Variants in TNNT1 observed in about 807,000 individuals in gnomAD.
TNNT1 encodes the protein troponin T, slow skeletal muscle.
A neutral mutation model predicts 50.6 loss-of-function variants in TNNT1; 53 were observed. That is an observed-to-expected ratio of 1.05 (90% confidence interval 0.84 to 1.32). The LOEUF (loss-of-function observed/expected upper bound fraction) is 1.32, where lower values mean the gene tolerates loss of function less well. Ranked by LOEUF, TNNT1 falls within the 40% of genes most tolerant of loss-of-function variation. The pLI, the probability that TNNT1 is intolerant of heterozygous loss-of-function variation, is 0.00. For synonymous variants in TNNT1, 142 were observed against 138.0 expected (o/e 1.03, Z -0.20); for missense variants, 348 against 381.7 (o/e 0.91, Z 0.74).
At chr19:55,138,150 G>T in intron 9 of TNNT1, 76 bp from the exon 10 acceptor site, 8 of 1,610,446 alleles carry the variant, frequency 5.0e-6, no homozygotes, top group Non-Finnish European at 6.8e-6. Context: ...TGTGGAACTG[G>T]GGCACAGGGA....
chr19:55,146,513 G>A, intron 4 of TNNT1, 47 bp from the exon 5 acceptor site: 2 of 1,189,082 alleles, frequency 1.7e-6, no homozygotes, highest in Non-Finnish European at 2.2e-6. Context: ...AGCGAGGGGG[G>A]AGCGGCCACG....
At chr19:55,143,764 A>G (rs1733399453) in intron 6 of TNNT1, among the ~76,000 whole-genome samples, 2 of 151,958 alleles carry the variant, frequency 1.3e-5, no homozygotes, top group Admixed American at 6.6e-5. Flanking sequence ...ATTCACTCCA[A>G]TGACTTCAGG....
At chr19:55,147,345 CCTGG>C in intron 1 of TNNT1, 177 bp from the exon 2 acceptor site, 1 of 597,762 alleles carries the variant, frequency 1.7e-6, no homozygotes, top group Non-Finnish European at 2.9e-6. Context: ...GGAGCTGGGG[CCTGG>C]ACTCCTGGGT....
rs368384173 is a variant in TNNT1, at chr19:55,148,367, C to T, written c.-12+794G>A. On this transcript the variant is annotated intron_variant, in intron 1 of 13. Transcript: ENST00000588981. The stretch of plus-strand genomic sequence containing the variant: ...ACGTAGGGGGCAGGGGCATAAAGGG[C>T]ACCTTCTGTCCGTAGACCTCACCCT... Among the ~76,000 whole-genome samples the T allele has an allele frequency of 4.6e-5, 7 of 152,132 alleles. No individual in the cohort carries two copies. The East Asian group carries it at 1.2e-3, about 25-fold the overall frequency.
chr19:55,146,188 G>A (rs1206661297), intron 5 of TNNT1, among the ~76,000 whole-genome samples: 1 of 152,084 alleles, frequency 6.6e-6, no homozygotes, highest in Non-Finnish European at 1.5e-5. Context: ...CTCCAGACTG[G>A]GGAAGAAGGC....
chr19:55,141,920 G>C lies in TNNT1; in HGVS notation c.129C>G (p.Ser43Arg), dbSNP rs781559740. 3 of 1,613,950 alleles carry C rather than the reference G, an allele frequency of 1.9e-6. No individual in the cohort carries two copies. The highest frequency in any genetic ancestry group is 2.5e-6 in the Non-Finnish European group (3 of 1,179,902). The part of the protein sequence containing the change: ...AEPEEERPKP[S>R]RPVVPPLIPP... Reference sequence around the variant, plus strand: ...GGATCAAAGGAGGCACCACGGGGCGGCTGAGTGGACAGAAACACAGAGACC... The same window carrying C: ...GGATCAAAGGAGGCACCACGGGGCGCCTGAGTGGACAGAAACACAGAGACC... The change falls in exon 7 of 14, where the codon AGC becomes AGG. Residue 43 changes from serine to arginine, a missense_variant and splice_region_variant. By Grantham distance (110) the Ser-to-Arg change is moderately radical (BLOSUM62 -1). Transcript: ENST00000588981.
Position 55,132,810 on chromosome 19 carries a change from A to C in TNNT1, c.*105T>G, listed in dbSNP as rs1025370853. On this transcript the variant is annotated 3_prime_UTR_variant, in exon 14 of 14. Coordinates refer to ENST00000588981, the MANE Select transcript of TNNT1 (RefSeq NM_003283.6). Reference sequence around the variant, plus strand: ...AGACCAGCTGCATCTCAACCATAATAACATCAGAGAACCCAGCGGGTGTCT... The same window carrying C: ...AGACCAGCTGCATCTCAACCATAATCACATCAGAGAACCCAGCGGGTGTCT... 9 of 1,073,556 alleles carry C rather than the reference A, an allele frequency of 8.4e-6. No individual in the cohort carries two copies. In the African/African-American group the frequency reaches 1.3e-4, roughly 15 times the overall value. 66.5% of individuals were successfully genotyped at this position (1,073,556 alleles called of 1,614,324 possible).
At chr19:55,140,983 G>C (rs368605705) in intron 8 of TNNT1, 23 bp from the exon 9 acceptor site, 3 of 1,613,462 alleles carry the variant, frequency 1.9e-6, no homozygotes, top group Admixed American at 3.3e-5. Context: ...GAAGCATAAG[G>C]GGGTGCAGGG....
At chr19:55,145,382 G>A (rs1202466441) in intron 6 of TNNT1, 162 bp downstream of exon 6, 8 of 688,632 alleles carry the variant, frequency 1.2e-5, no homozygotes, top group African/African-American at 1.8e-5. Context: ...AGGGAGAGGA[G>A]GGAGGAGGGA....
intron 6 of TNNT1, 154 bp downstream of exon 6, chr19:55,145,390 G>A: frequency 2.9e-6 from 2 of 700,922 alleles, no homozygotes; most frequent in East Asian, 2.6e-5. Context: ...GAGGGAGGAG[G>A]GAAAGGGGGA....
intron 6 of TNNT1, 74 bp from the exon 7 acceptor site, chr19:55,141,994 G>T (rs970388106): frequency 6.8e-7 from 1 of 1,477,692 alleles, no homozygotes; most frequent in Non-Finnish European, 9.5e-7. Flanking sequence ...GGGATGTGCC[G>T]TCCAGTGAGG....
At position 55,145,416 on chromosome 19, in the gene TNNT1, A is replaced by G. The variant is rs2085530785; in HGVS notation, c.128+128T>C. ...GAAAGGGGGAGGGAGGAGGAGGAGG[A>G]GGAGAAATGTCGACTGCTGTTTCAA... is the stretch of plus-strand genomic sequence containing the variant. On this transcript the variant is annotated intron_variant, in intron 6 of 13. Coordinates refer to ENST00000588981, the MANE Select transcript of TNNT1 (RefSeq NM_003283.6). The G allele has an allele frequency of 5.0e-6, 4 of 793,512 alleles. No homozygotes were observed. In the Admixed American group the frequency reaches 5.9e-5, roughly 12 times the overall value. The allele number at this position is 793,512 out of a possible 1,614,324, so 49.2% of individuals were successfully genotyped here. A position where few individuals can be genotyped will look rare whatever the true frequency, so the allele number is the denominator to read the frequency against.
rs11669534 is a variant in TNNT1 at position 55,146,720 on chromosome 19, G to A, written c.47-13C>T. 234,641 of 1,499,846 alleles carry A rather than the reference G, an allele frequency of 0.16. 20,718 individuals are homozygous for A. The highest frequency in any genetic ancestry group is 0.18 in the Non-Finnish European group (203,572 of 1,122,198). 92.9% of individuals were successfully genotyped at this position (1,499,846 alleles called of 1,614,324 possible). A position where few individuals can be genotyped will look rare whatever the true frequency, so the allele number is the denominator to read the frequency against. ...TCCGCAGCCTCCTCTGGAGATGGGG[G>A]CACAGAAGAGAAGGCGTTAGGAGCT... is the stretch of plus-strand genomic sequence containing the variant. On this transcript the variant is annotated splice_polypyrimidine_tract_variant and intron_variant, in intron 3 of 13. Transcript: ENST00000588981.
At chr19:55,136,486 A>G (rs2085347578) in intron 11 of TNNT1, among the ~76,000 whole-genome samples, 3 of 152,176 alleles carry the variant, frequency 2.0e-5, no homozygotes, top group Admixed American at 2.0e-4. Context: ...AGCCCCAGAG[A>G]AGTCAGATAA....
At position 55,147,114 on chromosome 19, in the gene TNNT1, T is replaced by C. The variant is rs2085573589; in HGVS notation, c.32+12A>G. 6.2e-7 allele frequency: 1 copy of C among 1,613,802 alleles called. No homozygotes were observed. Among genetic ancestry groups the C allele is most frequent in the Non-Finnish European group, 8.5e-7 (1 of 1,179,902 alleles). ...CACTGCACGCCCCAACCCCTCCCAG[T>C]GCAGCACTCACTCCTCATATTCCTG... On this transcript the variant is annotated intron_variant, in intron 2 of 13. Coordinates refer to ENST00000588981, the MANE Select transcript of TNNT1 (RefSeq NM_003283.6).
chr19:55,145,579 G>C lies in TNNT1; in HGVS notation c.107-14C>G, dbSNP rs201268285. 5 of 1,613,518 alleles carry C rather than the reference G, an allele frequency of 3.1e-6. No individual in the cohort carries two copies. In the Admixed American group the frequency reaches 5.0e-5, roughly 16 times the overall value. On this transcript the variant is annotated splice_polypyrimidine_tract_variant and intron_variant, in intron 5 of 13. Coordinates refer to ENST00000588981, the MANE Select transcript of TNNT1 (RefSeq NM_003283.6). ...GGCGTTCCTCTTCTGTTGGTGGTGG[G>C]GGATAAAAAGAGATAATTAGCAAGA...
rs1365700594 is a variant in TNNT1, at chr19:55,147,136, C to T, written c.22G>A (p.Glu8Lys). The change falls in exon 2 of 14, where the codon GAA (glutamate) becomes AAA (lysine). Residue 8 changes from glutamate to lysine, a missense_variant. Glu to Lys is a moderately conservative substitution (Grantham distance 56). This residue lies in a region of TNNT1 where 90 missense variants were observed against 70.8 expected (regional missense o/e 1.27). Coordinates refer to ENST00000588981, the MANE Select transcript of TNNT1 (RefSeq NM_003283.6). MSDTEEQ[E>K]YEEEQPEEEA... The stretch of plus-strand genomic sequence containing the variant: ...CAGTGCAGCACTCACTCCTCATATT[C>T]CTGCTCCTCGGTGTCCGACATCCTG... The T allele has an allele frequency of 1.2e-6, 2 of 1,613,894 alleles. No individual in the cohort carries two copies. The highest frequency in any genetic ancestry group is 2.2e-5 in the South Asian group (2 of 90,968).
chr19:55,133,722 C>T (rs183590637), intron 13 of TNNT1, 165 bp downstream of exon 13: 269 of 766,652 alleles, frequency 3.5e-4, no homozygotes, highest in Admixed American at 1.2e-3. Flanking sequence ...GGAACTGAGA[C>T]CCAGGATTCC....
intron 5 of TNNT1, among the ~76,000 whole-genome samples, chr19:55,146,032 G>T (rs1289491868): frequency 7.6e-6 from 1 of 131,904 alleles, no homozygotes; most frequent in Non-Finnish European, 1.6e-5. Context: ...CTGACTCCCA[G>T]CGCTCGCCTC....
Sources: allele counts gnomAD v4.1 joint callset (sites outside exome capture counted in the v4.1 genomes callset), GRCh38; gene constraint gnomAD v4.1.1; regional missense constraint gnomAD v4.1.1; transcripts MANE v1.5; gene names NCBI Gene and HGNC (gene_info 2026-07-23, HGNC 2026-07-21).